The following RARB variants were observed in gnomAD, a reference collection of about 807,000 sequenced individuals.
The protein encoded by RARB is retinoic acid receptor beta, also known as HBV-activated protein.
In RARB, 17 loss-of-function variants were observed where a neutral mutation model predicts 51.9. The ratio of observed to expected loss-of-function variants is 0.33; its 90% CI spans 0.22 to 0.49. RARB has a LOEUF of 0.49. RARB is among the 20% of genes least tolerant of loss of function. The pLI is 0.99. For missense variants in RARB, 369 were observed against 550.8 expected (o/e 0.67, Z 3.30); for synonymous variants, 215 against 195.4 (o/e 1.10, Z -0.84).
chr3:24,960,370 A>G (rs1696111802), intron 2 of RARB, among the ~76,000 whole-genome samples: 1 of 152,228 alleles, frequency 6.6e-6, no homozygotes, highest in Admixed American at 6.5e-5. Flanking sequence ...TGTTTCTTGG[A>G]AAAACATTTT....
At chr3:25,541,224 C>G (rs1699367109) in intron 3 of RARB, among the ~76,000 whole-genome samples, 1 of 152,154 alleles carries the variant, frequency 6.6e-6, no homozygotes, top group Admixed American at 6.5e-5. Flanking sequence ...TTGATTTAGC[C>G]ACTCTAGTGG....
At chr3:25,002,721 G>A (rs1697188473) in intron 2 of RARB, among the ~76,000 whole-genome samples, 1 of 146,276 alleles carries the variant, frequency 6.8e-6, no homozygotes, top group Admixed American at 7.1e-5. Flanking sequence ...CTATATATGT[G>A]TCACATATGT....
intron 3 of RARB, among the ~76,000 whole-genome samples, chr3:25,093,691 A>G (rs1383731224): frequency 1.3e-5 from 2 of 151,946 alleles, no homozygotes; most frequent in Non-Finnish European, 2.9e-5. Flanking sequence ...GCCTTTCAAG[A>G]TGTCTTTACG....
intron 5 of RARB, among the ~76,000 whole-genome samples, chr3:25,309,129 ATTTTTTTTT>A (rs1171133293): frequency 1.4e-4 from 13 of 93,008 alleles, no homozygotes; most frequent in East Asian, 3.3e-4. Flanking sequence ...CTGTGCCTCC[ATTTTTTTTT>A]TTTTTTTTTT....
intron 5 of RARB, among the ~76,000 whole-genome samples, chr3:25,186,200 A>G (rs1700970751): frequency 6.6e-6 from 1 of 152,126 alleles, no homozygotes; most frequent in South Asian, 2.1e-4. Context: ...GATATCCCAT[A>G]TCAACCTCAT....
At chr3:24,926,429 T>A (rs1030221236) in intron 2 of RARB, among the ~76,000 whole-genome samples, 2 of 152,074 alleles carry the variant, frequency 1.3e-5, no homozygotes, top group African/African-American at 4.8e-5. Context: ...AAATACAAGT[T>A]CAATTGAAGA....
At chr3:25,189,273 T>G (rs959940127) in intron 5 of RARB, among the ~76,000 whole-genome samples, 48 of 152,104 alleles carry the variant, frequency 3.2e-4, no homozygotes, top group African/African-American at 1.1e-3. Flanking sequence ...CAGTCTAAGT[T>G]TAATCCAAAA....
intron 5 of RARB, among the ~76,000 whole-genome samples, chr3:25,410,124 C>T (rs1707520081): frequency 6.6e-6 from 1 of 152,160 alleles, no homozygotes; most frequent in African/African-American, 2.4e-5. Flanking sequence ...CAAACAGATT[C>T]CCTAAGTTCT....
intron 5 of RARB, among the ~76,000 whole-genome samples, chr3:25,203,896 A>G (rs978308610): frequency 5.8e-4 from 88 of 152,110 alleles, no homozygotes; most frequent in African/African-American, 1.9e-3. Context: ...TGAATCTGAC[A>G]ATTATGTGTC....
At chr3:25,417,581 C>T (rs918383589) in intron 5 of RARB, among the ~76,000 whole-genome samples, 1 of 152,156 alleles carries the variant, frequency 6.6e-6, no homozygotes, top group African/African-American at 2.4e-5. Flanking sequence ...GTGAGATGTG[C>T]CTTTCACCTT....
chr3:25,492,236 TAAGA>T (rs1696775902), intron 2 of RARB, among the ~76,000 whole-genome samples: 1 of 152,222 alleles, frequency 6.6e-6, no homozygotes, highest in Non-Finnish European at 1.5e-5. Flanking sequence ...CCTGGTCATT[TAAGA>T]AGTATGGTAT....
chr3:25,322,770 C>A (rs566490988), intron 5 of RARB, among the ~76,000 whole-genome samples: 15 of 151,954 alleles, frequency 9.9e-5, no homozygotes, highest in Non-Finnish European at 1.6e-4. Context: ...AAGCTGTGGC[C>A]CCGATCCTCT....
intron 4 of RARB, among the ~76,000 whole-genome samples, chr3:25,161,209 A>G (rs868807979): frequency 1.3e-5 from 1 of 75,814 alleles, no homozygotes; most frequent in African/African-American, 5.0e-5. Flanking sequence ...TATTATTATT[A>G]TTATTATTTT....
chr3:25,186,811 A>C (rs540645678), intron 5 of RARB, among the ~76,000 whole-genome samples: 3 of 152,066 alleles, frequency 2.0e-5, no homozygotes, highest in East Asian at 1.9e-4. Context: ...CAGAAAAAAC[A>C]TACAAATTTG....
At chr3:25,454,127 G>A (rs1490821219) in intron 1 of RARB, among the ~76,000 whole-genome samples, 1 of 152,248 alleles carries the variant, frequency 6.6e-6, no homozygotes, top group East Asian at 1.9e-4. Flanking sequence ...ATGTTTGGAT[G>A]CATATAAATT....
At chr3:25,261,792 C>G (rs1703003931) in intron 5 of RARB, among the ~76,000 whole-genome samples, 1 of 152,158 alleles carries the variant, frequency 6.6e-6, no homozygotes, top group Non-Finnish European at 1.5e-5. Flanking sequence ...TCTTTCTTTA[C>G]CTTCATGCCT....
chr3:25,046,605 C>A (rs115565242), intron 2 of RARB, among the ~76,000 whole-genome samples: 7,056 of 151,994 alleles, frequency 0.046, 211 homozygotes, highest in African/African-American at 0.069. Flanking sequence ...AGGCACACAC[C>A]ACCATGCTCA....
intron 1 of RARB, among the ~76,000 whole-genome samples, chr3:24,831,392 T>G (rs1702279533): frequency 6.6e-6 from 1 of 152,214 alleles, no homozygotes; most frequent in Non-Finnish European, 1.5e-5. Context: ...ATTTTATTCC[T>G]TCTCATTTGC....
intron 5 of RARB, among the ~76,000 whole-genome samples, chr3:25,338,809 G>A (rs1320331141): frequency 6.6e-6 from 1 of 152,066 alleles, no homozygotes; most frequent in African/African-American, 2.4e-5. Context: ...TATTTGTGTA[G>A]TCCTTGGTAA....
Sources: gnomAD v4.1 joint callset for allele counts (sites outside exome capture counted in the v4.1 genomes callset) on GRCh38, gnomAD v4.1.1 for gene constraint, MANE v1.5 for transcripts, NCBI Gene and HGNC (gene_info 2026-07-23, HGNC 2026-07-21) for gene names.